RTN4RL1: variants seen among roughly 807,000 people sequenced by gnomAD.
RTN4RL1 encodes reticulon-4 receptor-like 1.
RTN4RL1 carries 7 observed loss-of-function variants against 25.6 expected under a neutral mutation model. The ratio of observed to expected loss-of-function variants is 0.27; its 90% confidence interval spans 0.16 to 0.51. The LOEUF is 0.51. RTN4RL1 is among the 20% of genes least tolerant of loss of function. The probability of loss-of-function intolerance (pLI) is 0.97; values close to 1 mark genes in which losing one functional copy is unlikely to be tolerated. For missense variants in RTN4RL1, 500 were observed against 615.6 expected (o/e 0.81, Z 1.99); for synonymous variants, 297 against 288.2 (o/e 1.03, Z -0.31).
At chr17:1,948,580 C>T (rs562907250) in intron 1 of RTN4RL1, among the ~76,000 whole-genome samples, 6 of 152,140 alleles carry the variant, frequency 3.9e-5, no homozygotes, top group Admixed American at 3.3e-4. Flanking sequence ...GGCAGACAGG[C>T]GGACACAGGC....
chr17:1,953,043 T>C (rs1419813999), intron 1 of RTN4RL1, among the ~76,000 whole-genome samples: 1 of 150,776 alleles, frequency 6.6e-6, no homozygotes. Flanking sequence ...TGCCACTGTA[T>C]TCTGGGTGAC....
chr17:1,984,291 GC>G (rs2066879254), intron 1 of RTN4RL1, among the ~76,000 whole-genome samples: 1 of 152,240 alleles, frequency 6.6e-6, no homozygotes, highest in African/African-American at 2.4e-5. Context: ...CCGCTGCTCT[GC>G]TCTGGAAGCA....
In RTN4RL1 at chr17:1,951,631, A is replaced by C. The variant is rs571549655; in HGVS notation, c.14-13823T>G. 4.6e-5 allele frequency among the ~76,000 whole-genome samples: 7 copies of C among 152,086 alleles called. No homozygotes were observed. In the South Asian group the frequency reaches 1.5e-3, roughly 32 times the overall value. On this transcript the variant is annotated intron_variant, in intron 1 of 1. Coordinates refer to ENST00000331238, the MANE Select transcript of RTN4RL1 (RefSeq NM_178568.4). ...ACACCTGGCTAACTTTTGTATTTTTAGTAGAGATGGGGTTTCACCACATGT... is the reference window on the plus strand; with the variant it reads ...ACACCTGGCTAACTTTTGTATTTTTCGTAGAGATGGGGTTTCACCACATGT...
chr17:2,024,129 G>T (rs2067244871), intron 1 of RTN4RL1, among the ~76,000 whole-genome samples: 1 of 152,198 alleles, frequency 6.6e-6, no homozygotes, highest in African/African-American at 2.4e-5. Context: ...ACTTTGCCGC[G>T]CTCCGTACCG....
chr17:2,008,359 G>A (rs894527574), intron 1 of RTN4RL1, among the ~76,000 whole-genome samples: 3 of 151,842 alleles, frequency 2.0e-5, no homozygotes, highest in Admixed American at 2.0e-4. Flanking sequence ...TAAAAAAAAG[G>A]AATTACCAAC....
chr17:1,969,964 G>A (rs941859969), intron 1 of RTN4RL1, among the ~76,000 whole-genome samples: 1 of 151,214 alleles, frequency 6.6e-6, no homozygotes, highest in African/African-American at 2.4e-5. Flanking sequence ...ATGATGTGTA[G>A]ACACCTGAGC....
At position 2,024,883 on chromosome 17, in the gene RTN4RL1, C is replaced by A; in HGVS notation, c.-18G>T. The A allele has an allele frequency of 1.9e-6, 3 of 1,583,306 alleles. No homozygotes were observed. Among genetic ancestry groups the A allele is most frequent in the Non-Finnish European group, 2.6e-6 (3 of 1,165,628 alleles). On this transcript the variant is annotated 5_prime_UTR_variant, in exon 1 of 2. Transcript: ENST00000331238. ...CGAAGCATGTTGGCCACGGGGCCGC[C>A]GCTCCGAGGTCGGCCTAGGCGCACT...
At position 1,937,282 on chromosome 17, in the gene RTN4RL1, G is replaced by C. The variant is rs1915330023; in HGVS notation, c.540C>G (p.Leu180=). The change falls in exon 2 of 2, where the codon CTC becomes CTG. Residue 180 remains leucine, a synonymous_variant. Coordinates refer to ENST00000331238, the MANE Select transcript of RTN4RL1 (RefSeq NM_178568.4). ...CCAGACTCCACAGCTTGTTGCCGTGGAGAAACAGGTGGCTGAGGTTGACCA... is the reference window on the plus strand; with the variant it reads ...CCAGACTCCACAGCTTGTTGCCGTGCAGAAACAGGTGGCTGAGGTTGACCA... The part of the protein sequence containing the change: ...VDLVNLSHLF[L]HGNKLWSLGP... 6.2e-7 allele frequency: 1 copy of C among 1,612,958 alleles called. No individual in the cohort carries two copies. The highest frequency in any genetic ancestry group is 1.1e-5 in the South Asian group (1 of 91,082).
intron 1 of RTN4RL1, among the ~76,000 whole-genome samples, chr17:1,957,908 C>T (rs1915823338): frequency 6.8e-6 from 1 of 147,606 alleles, no homozygotes; most frequent in Non-Finnish European, 1.5e-5. Context: ...TGGGTTGCAG[C>T]ACTCACACCT....
rs1478398159 is a variant in RTN4RL1, at chr17:1,951,554, G to A, written c.14-13746C>T. ...GCAACCTCTGCCTCCGAGTTCAAGC[G>A]ATTCTCCTGCCTCAGCCTCCTGAGT... On this transcript the variant is annotated intron_variant, in intron 1 of 1. Coordinates refer to ENST00000331238, the MANE Select transcript of RTN4RL1 (RefSeq NM_178568.4). Among the ~76,000 whole-genome samples, 7 of 151,852 alleles carry A rather than the reference G, an allele frequency of 4.6e-5. No homozygotes were observed. In the South Asian group the frequency reaches 6.2e-4, roughly 14 times the overall value.
chr17:1,968,640 G>A (rs575151947), intron 1 of RTN4RL1, among the ~76,000 whole-genome samples: 12 of 152,108 alleles, frequency 7.9e-5, no homozygotes, highest in Admixed American at 1.3e-4. Context: ...TCCCATCCCC[G>A]GGCCTGGGGT....
intron 1 of RTN4RL1, among the ~76,000 whole-genome samples, chr17:1,999,192 A>G (rs2066944831): frequency 6.7e-6 from 1 of 148,960 alleles, no homozygotes; most frequent in South Asian, 2.1e-4. Context: ...TCACGGCTGT[A>G]ATCTCAGCAC....
chr17:1,993,105 G>A (rs899998475), intron 1 of RTN4RL1, among the ~76,000 whole-genome samples: 2 of 152,108 alleles, frequency 1.3e-5, no homozygotes, highest in African/African-American at 4.8e-5. Flanking sequence ...AAAATTAGCC[G>A]GGCATGGTGG....
chr17:2,005,913 C>T (rs1018268728), intron 1 of RTN4RL1, among the ~76,000 whole-genome samples: 29 of 151,240 alleles, frequency 1.9e-4, no homozygotes, highest in Middle Eastern at 3.4e-3. Context: ...TCTCCTGCCT[C>T]AGCCTCCCGA....
intron 1 of RTN4RL1, among the ~76,000 whole-genome samples, chr17:1,974,101 C>T (rs2066832406): frequency 6.9e-6 from 1 of 145,604 alleles, no homozygotes; most frequent in Non-Finnish European, 1.5e-5. Flanking sequence ...TTAGTTCTCA[C>T]TACCACCACA....
rs900494920 is a variant in RTN4RL1, at chr17:1,997,529, G to C, written c.13+27324C>G. 3.9e-5 allele frequency among the ~76,000 whole-genome samples: 6 copies of C among 152,262 alleles called. No homozygotes were observed. In the East Asian group the frequency reaches 1.2e-3, roughly 29 times the overall value. ...AACTTGTCTGTCTGGTAGTCGACAA[G>C]TATGACTGGCCCATAGTAGGTGCTC... On this transcript the variant is annotated intron_variant, in intron 1 of 1. Transcript: ENST00000331238.
chr17:2,004,310 G>T (rs1014706784), intron 1 of RTN4RL1, among the ~76,000 whole-genome samples: 3 of 145,966 alleles, frequency 2.1e-5, no homozygotes, highest in Non-Finnish European at 4.5e-5. Flanking sequence ...GGAACTTGGA[G>T]TGAGCCGAGA....
intron 1 of RTN4RL1, among the ~76,000 whole-genome samples, chr17:1,993,334 A>G (rs1228053688): frequency 6.6e-6 from 1 of 152,174 alleles, no homozygotes; most frequent in Non-Finnish European, 1.5e-5. Context: ...AAAGAATTAG[A>G]AGAATTAGCC....
intron 1 of RTN4RL1, among the ~76,000 whole-genome samples, chr17:1,956,310 G>A (rs972342084): frequency 2.0e-5 from 3 of 152,158 alleles, no homozygotes; most frequent in African/African-American, 7.2e-5. Flanking sequence ...GAAAGATCCA[G>A]GTAGCTATGA....
Sources: allele counts gnomAD v4.1 joint callset (sites outside exome capture counted in the v4.1 genomes callset), GRCh38; gene constraint gnomAD v4.1.1; transcripts MANE v1.5; gene names NCBI Gene and HGNC (gene_info 2026-07-23, HGNC 2026-07-21).